CADPS2: variants seen among roughly 807,000 people sequenced by gnomAD.
CADPS2 encodes the protein calcium-dependent secretion activator 2.
In CADPS2, 93 loss-of-function variants were observed where a neutral mutation model predicts 172.5. The ratio of observed to expected loss-of-function variants is 0.54; its 90% CI spans 0.46 to 0.64. The LOEUF is 0.64. CADPS2 is among the 30% of genes least tolerant of loss of function. The probability of loss-of-function intolerance (pLI) is 0.00; values close to 1 mark genes in which losing one functional copy is unlikely to be tolerated. For synonymous variants in CADPS2, 546 were observed against 555.2 expected, an observed-to-expected ratio of 0.98 and a Z score of 0.23; for missense variants, 1,420 against 1,565.9, an observed-to-expected ratio of 0.91 and a Z score of 1.57.
chr7:122,396,317 C>T (rs550993750), intron 20 of CADPS2, among the ~76,000 whole-genome samples: 1 of 152,240 alleles, frequency 6.6e-6, no homozygotes, highest in East Asian at 1.9e-4. Context: ...CAGTAAGTTA[C>T]CGTGCTCTCT....
intron 1 of CADPS2, among the ~76,000 whole-genome samples, chr7:122,804,456 G>A (rs1396706563): frequency 1.3e-5 from 2 of 152,096 alleles, no homozygotes; most frequent in Non-Finnish European, 2.9e-5. Context: ...AATGGCTGAT[G>A]ATTTTAGAAT....
intron 13 of CADPS2, among the ~76,000 whole-genome samples, chr7:122,472,150 C>T (rs890976076): frequency 2.0e-5 from 3 of 152,076 alleles, no homozygotes; most frequent in Non-Finnish European, 4.4e-5. Context: ...TGCATGCCAC[C>T]TGAACACAGC....
chr7:122,494,386 A>G (rs1175464705), intron 9 of CADPS2, among the ~76,000 whole-genome samples: 1 of 152,200 alleles, frequency 6.6e-6, no homozygotes, highest in Non-Finnish European at 1.5e-5. Flanking sequence ...TTTGGTTAAA[A>G]TATATTATGG....
Position 122,393,570 on chromosome 7 carries a change from T to C in CADPS2, c.2759A>G (p.Asn920Ser), listed in dbSNP as rs772722168. Reference protein sequence around the residue: ...NFLRNDTLLCNGKFHKHLQEI... With the variant: ...NFLRNDTLLCSGKFHKHLQEI... ...TTGCAAGTGTTTGTGAAATTTTCCA[T>C]TACACAAAAGTGCTGAAATAGCCAA... The change falls in exon 21 of 30, where the codon AAT becomes AGT. Residue 920 changes from asparagine (N) to serine (S), a missense_variant. Coordinates refer to ENST00000449022, the MANE Select transcript of CADPS2 (RefSeq NM_017954.11). 4.3e-6 allele frequency: 7 copies of C among 1,613,634 alleles called. No homozygotes were observed. Among genetic ancestry groups the C allele is most frequent in the African/African-American group, 4.0e-5 (3 of 74,890 alleles).
intron 6 of CADPS2, among the ~76,000 whole-genome samples, chr7:122,604,177 CATGAACTT>C (rs2073180506): frequency 6.6e-6 from 1 of 152,030 alleles, no homozygotes; most frequent in South Asian, 2.1e-4. Context: ...TTTTTCAAAA[CATGAACTT>C]ATTTACCAAT....
Position 122,393,124 on chromosome 7 carries a change from C to A in CADPS2, c.3008+72G>T, listed in dbSNP as rs879137703. The stretch of plus-strand genomic sequence containing the variant: ...TGACAAATGCCATGCAGTCTAAACA[C>A]ATCTGCGCAGAACACAGCCCAGGCC... On this transcript the variant is annotated intron_variant, in intron 22 of 29. Transcript: ENST00000449022. The A allele has an allele frequency of 9.0e-6, 14 of 1,554,324 alleles. No homozygotes were observed. In the South Asian group the frequency reaches 1.6e-4, roughly 18 times the overall value.
intron 14 of CADPS2, among the ~76,000 whole-genome samples, chr7:122,452,190 G>T (rs12671420): frequency 1.3e-5 from 2 of 151,836 alleles, no homozygotes; most frequent in Non-Finnish European, 2.9e-5. Flanking sequence ...CAGAAATTTA[G>T]AATTTATTCT....
In CADPS2 at chr7:122,513,389, C is replaced by T. The variant is rs982763814; in HGVS notation, c.1476-74G>A. On this transcript the variant is annotated intron_variant, in intron 8 of 29. Transcript: ENST00000449022. ...TGCTTCCATGTAATCACATTTCTTC[C>T]ATAGGTATTTATTTTTGAGACCAGC... The T allele has an allele frequency of 4.9e-6, 6 of 1,218,878 alleles. No homozygotes were observed. In the East Asian group the frequency reaches 7.7e-5, roughly 16 times the overall value. The allele number at this position is 1,218,878 out of a possible 1,614,324, so 75.5% of individuals were successfully genotyped here.
At chr7:122,782,679 T>C (rs1471159834) in intron 1 of CADPS2, among the ~76,000 whole-genome samples, 2 of 152,208 alleles carry the variant, frequency 1.3e-5, no homozygotes, top group Non-Finnish European at 2.9e-5. Context: ...TCATTGGAAA[T>C]GATAGATAAA....
At chr7:122,824,518 A>G (rs1804321485) in intron 1 of CADPS2, among the ~76,000 whole-genome samples, 1 of 152,180 alleles carries the variant, frequency 6.6e-6, no homozygotes, top group Non-Finnish European at 1.5e-5. Flanking sequence ...TCATATGATA[A>G]AGGGCCATTT....
At chr7:122,728,555 A>T (rs1269253426) in intron 2 of CADPS2, among the ~76,000 whole-genome samples, 10 of 151,684 alleles carry the variant, frequency 6.6e-5, no homozygotes, top group African/African-American at 2.4e-4. Context: ...AATGACCTGA[A>T]GATTTGTCCT....
chr7:122,706,268 ATGTT>A (rs1475422548), intron 2 of CADPS2, among the ~76,000 whole-genome samples: 3 of 17,344 alleles, frequency 1.7e-4, no homozygotes, highest in Non-Finnish European at 3.0e-4. Context: ...GAATATATAT[ATGTT>A]TATATATTCA....
At position 122,334,780 on chromosome 7, in the gene CADPS2, CA is replaced by C. The variant is rs1389801372; in HGVS notation, c.3613-9200del. Among the ~76,000 whole-genome samples, 3 of 151,788 alleles carry C rather than the reference CA, an allele frequency of 2.0e-5. No individual in the cohort carries two copies. The East Asian group carries it at 5.8e-4, about 29-fold the overall frequency. The stretch of plus-strand genomic sequence containing the variant: ...GACTTTCAGTTCACCAGAGTACTTC[CA>C]TTTAAAAAAAAATCTGTGGATAGCT... On this transcript the variant is annotated intron_variant, in intron 28 of 29. Coordinates refer to ENST00000449022, the MANE Select transcript of CADPS2 (RefSeq NM_017954.11).
chr7:122,711,928 G>A (rs929906849), intron 2 of CADPS2, among the ~76,000 whole-genome samples: 1 of 152,070 alleles, frequency 6.6e-6, no homozygotes, highest in African/African-American at 2.4e-5. Context: ...TGGGATTACA[G>A]GTGTGAGCCA....
At chr7:122,635,758 A>C (rs1215175854) in intron 3 of CADPS2, among the ~76,000 whole-genome samples, 1 of 152,152 alleles carries the variant, frequency 6.6e-6, no homozygotes, top group Non-Finnish European at 1.5e-5. Flanking sequence ...GGTCAAGAAG[A>C]ACCCATTTTA....
chr7:122,507,664 G>A (rs1424597405), intron 9 of CADPS2, among the ~76,000 whole-genome samples: 1 of 152,168 alleles, frequency 6.6e-6, no homozygotes, highest in African/African-American at 2.4e-5. Flanking sequence ...GTCATAATGT[G>A]AGTTATGCTT....
chr7:122,790,962 C>T (rs1017712001), intron 1 of CADPS2, among the ~76,000 whole-genome samples: 1 of 152,118 alleles, frequency 6.6e-6, no homozygotes, highest in Non-Finnish European at 1.5e-5. Context: ...ACCCAAAATA[C>T]GAAAGCAAAG....
intron 28 of CADPS2, among the ~76,000 whole-genome samples, chr7:122,326,012 A>G (rs1205956979): frequency 6.6e-6 from 1 of 151,998 alleles, no homozygotes; most frequent in East Asian, 1.9e-4. Context: ...AATCAAAAAG[A>G]AGATGTGTTA....
intron 1 of CADPS2, among the ~76,000 whole-genome samples, chr7:122,818,613 G>A (rs971848091): frequency 9.9e-5 from 15 of 151,884 alleles, no homozygotes; most frequent in Non-Finnish European, 1.6e-4. Context: ...TTGCCAGGCC[G>A]AGCTAGGTCC....
Sources: allele counts gnomAD v4.1 joint callset (sites outside exome capture counted in the v4.1 genomes callset), GRCh38; gene constraint gnomAD v4.1.1; transcripts MANE v1.5; gene names NCBI Gene and HGNC (gene_info 2026-07-23, HGNC 2026-07-21).